ARPC1A: variants seen among roughly 807,000 people sequenced by gnomAD.
ARPC1A encodes the protein actin-related protein 2/3 complex subunit 1A.
Under a neutral mutation model 46.9 loss-of-function variants are expected in ARPC1A, and 8 were observed. The ratio of observed to expected loss-of-function variants is 0.17; its 90% CI spans 0.10 to 0.31. ARPC1A has a LOEUF of 0.31. Ranked by LOEUF, ARPC1A falls within the 10% of genes least tolerant of loss-of-function variation. ARPC1A has a pLI of 1.00. For synonymous variants in ARPC1A, 152 were observed against 169.0 expected (o/e 0.90, Z 0.78); for missense variants, 286 against 483.6 (o/e 0.59, Z 3.83).
intron 5 of ARPC1A, among the ~76,000 whole-genome samples, chr7:99,350,663 T>G (rs1039743064): frequency 2.1e-4 from 28 of 132,204 alleles, no homozygotes; most frequent in African/African-American, 8.8e-4. Context: ...TTTTTTTTTT[T>G]GAGACAAGGT....
At chr7:99,358,295 T>C in intron 6 of ARPC1A, 45 bp from the exon 7 acceptor site, 1 of 1,568,418 alleles carries the variant, frequency 6.4e-7, no homozygotes. Context: ...GTAAAGAAGC[T>C]AATAGTCTGT....
chr7:99,359,074 G>A (rs1196626474), intron 7 of ARPC1A, among the ~76,000 whole-genome samples: 19 of 146,412 alleles, frequency 1.3e-4, no homozygotes, highest in East Asian at 6.6e-4. Context: ...CTCGTGATCC[G>A]CCCACCTTGG....
chr7:99,335,290 C>T (rs964390222), intron 2 of ARPC1A, among the ~76,000 whole-genome samples: 4 of 152,176 alleles, frequency 2.6e-5, no homozygotes, highest in Non-Finnish European at 4.4e-5. Flanking sequence ...GCCACCACAC[C>T]GGCCAAGATA....
At chr7:99,364,351 C>A (rs1295139732) in intron 9 of ARPC1A, among the ~76,000 whole-genome samples, 2 of 149,708 alleles carry the variant, frequency 1.3e-5, no homozygotes, top group Non-Finnish European at 2.9e-5. Context: ...CGGCTCACCA[C>A]AACCTCCGCC....
intron 2 of ARPC1A, 64 bp downstream of exon 2, chr7:99,333,481 C>A: frequency 1.4e-6 from 2 of 1,402,978 alleles, no homozygotes; most frequent in East Asian, 2.3e-5. Context: ...TCTTTAGACA[C>A]ATTTAGGGCT....
intron 5 of ARPC1A, 122 bp from the exon 6 acceptor site, chr7:99,353,787 A>T (rs1793586436): frequency 3.2e-6 from 3 of 926,240 alleles, no homozygotes; most frequent in Admixed American, 2.9e-5. Flanking sequence ...CTCATGTTTT[A>T]TTTTTTTTTA....
chr7:99,344,920 C>CTTTTTTTTTTTTTTT lies in ARPC1A; in HGVS notation c.392+420_392+434dup, dbSNP rs1172071932. 3.0e-4 allele frequency among the ~76,000 whole-genome samples: 6 copies of CTTTTTTTTTTTTTTT among 20,108 alleles called. 2 individuals carry two copies. Among genetic ancestry groups the CTTTTTTTTTTTTTTT allele is most frequent in the African/African-American group, 1.1e-3 (5 of 4,574 alleles). The allele number at this position is 20,108 out of a possible 152,430, so 13.2% of individuals were successfully genotyped here. On this transcript the variant is annotated intron_variant, in intron 4 of 9. Coordinates refer to ENST00000262942, the MANE Select transcript of ARPC1A (RefSeq NM_006409.4). The stretch of plus-strand genomic sequence containing the variant: ...TAGGATTCCTACAGATAACAATGTT[C>CTTTTTTTTTTTTTTT]TTTTTTTTTTTTTTTTTTTTTTTTT...
intron 9 of ARPC1A, among the ~76,000 whole-genome samples, chr7:99,365,328 G>A (rs1473328485): frequency 6.6e-6 from 1 of 152,080 alleles, no homozygotes; most frequent in Non-Finnish European, 1.5e-5. Flanking sequence ...ACCCACTCCT[G>A]TAATCCCAGC....
chr7:99,326,842 A>G (rs1379196690), intron 1 of ARPC1A, among the ~76,000 whole-genome samples: 1 of 151,770 alleles, frequency 6.6e-6, no homozygotes, highest in Non-Finnish European at 1.5e-5. Context: ...CCAAACACCA[A>G]CCCTCCAGAC....
intron 3 of ARPC1A, among the ~76,000 whole-genome samples, chr7:99,338,975 CT>C (rs1274470421): frequency 2.6e-5 from 4 of 152,174 alleles, no homozygotes; most frequent in African/African-American, 9.6e-5. Flanking sequence ...GTAAGGAAGA[CT>C]TTCCAGAATA....
At chr7:99,344,906 C>T (rs1398166703) in intron 4 of ARPC1A, among the ~76,000 whole-genome samples, 2 of 103,988 alleles carry the variant, frequency 1.9e-5, no homozygotes, top group East Asian at 5.7e-4. Context: ...AGGATTCCTA[C>T]AGATAACAAT....
At position 99,359,660 on chromosome 7, in the gene ARPC1A, G is replaced by A. The variant is rs1363073216; in HGVS notation, c.905G>A (p.Arg302His). ...CAACGCAACATGTCTGCCATGGAAC[G>A]CTTCCGCAACATGGACAAGAGAGCC... ...SIQRNMSAME[R>H]FRNMDKRATT... The change falls in exon 8 of 10, where the codon CGC becomes CAC. Residue 302 changes from arginine to histidine, a missense_variant. Physicochemically the swap from Arg to His is conservative, Grantham distance 29. Coordinates refer to ENST00000262942, the MANE Select transcript of ARPC1A (RefSeq NM_006409.4). The A allele has an allele frequency of 2.5e-6, 4 of 1,614,016 alleles. No individual in the cohort carries two copies. Among genetic ancestry groups the A allele is most frequent in the Non-Finnish European group, 2.5e-6 (3 of 1,180,040 alleles).
intron 5 of ARPC1A, 60 bp from the exon 6 acceptor site, chr7:99,353,849 C>T: frequency 6.6e-7 from 1 of 1,518,414 alleles, no homozygotes; most frequent in East Asian, 2.3e-5. Flanking sequence ...TGCCTATGGC[C>T]TGTTTCTATA....
chr7:99,340,153 TTTG>T, intron 3 of ARPC1A: 4 of 287,114 alleles, frequency 1.4e-5, no homozygotes, highest in African/African-American at 1.3e-4. Flanking sequence ...TCTGTTTTTG[TTTG>T]TTTGTTTGTT....
chr7:99,362,154 C>T (rs1166649736), intron 8 of ARPC1A, among the ~76,000 whole-genome samples: 3 of 151,526 alleles, frequency 2.0e-5, no homozygotes, highest in Non-Finnish European at 4.4e-5. Context: ...AATTCGCCAG[C>T]CTGGTGGCAG....
chr7:99,351,004 A>G (rs1400988535), intron 5 of ARPC1A, among the ~76,000 whole-genome samples: 52 of 151,854 alleles, frequency 3.4e-4, no homozygotes, highest in Non-Finnish European at 2.1e-4. Context: ...CTAGTGGTTT[A>G]TATCCAGGAA....
At chr7:99,346,252 A>G (rs1045690854) in intron 4 of ARPC1A, among the ~76,000 whole-genome samples, 7 of 152,176 alleles carry the variant, frequency 4.6e-5, no homozygotes, top group Admixed American at 6.6e-5. Context: ...CGAATTTGAA[A>G]CATACATTTT....
chr7:99,338,044 GGTGAA>G, intron 2 of ARPC1A, 132 bp from the exon 3 acceptor site: 1 of 553,052 alleles, frequency 1.8e-6, no homozygotes, highest in East Asian at 3.2e-5. Flanking sequence ...ATTATTCAGA[GGTGAA>G]TTTGGGAACT....
At chr7:99,350,585 A>G (rs1793529520) in intron 5 of ARPC1A, among the ~76,000 whole-genome samples, 1 of 146,746 alleles carries the variant, frequency 6.8e-6, no homozygotes, top group Non-Finnish European at 1.5e-5. Flanking sequence ...AAGCAAATAA[A>G]TGTTGCTTTG....
Sources: allele counts gnomAD v4.1 joint callset (sites outside exome capture counted in the v4.1 genomes callset), GRCh38; gene constraint gnomAD v4.1.1; transcripts MANE v1.5; gene names NCBI Gene and HGNC (gene_info 2026-07-23, HGNC 2026-07-21).